The following TRIM67 variants were observed in gnomAD, a reference collection of about 807,000 sequenced individuals.
The protein encoded by TRIM67 is tripartite motif containing 67, also known as tripartite motif-containing protein 67.
In TRIM67, 39 loss-of-function variants were observed where a neutral mutation model predicts 71.0. That is an observed-to-expected ratio of 0.55 (90% confidence interval 0.43 to 0.72). The LOEUF (loss-of-function observed/expected upper bound fraction) is 0.72, where lower values mean the gene tolerates loss of function less well. Among genes scored for constraint, TRIM67 ranks in the 30% least tolerant of loss-of-function variants. TRIM67 has a pLI of 0.00. For missense variants in TRIM67, 973 were observed against 1,079.2 expected (o/e 0.90, Z 1.38); for synonymous variants, 481 against 473.9 (o/e 1.01, Z -0.19).
In TRIM67 at chr1:231,200,204, G is replaced by A. The variant is rs1683481807; in HGVS notation, c.1320G>A (p.Leu440=). The A allele has an allele frequency of 6.2e-7, 1 of 1,613,984 alleles. No individual in the cohort carries two copies. Among genetic ancestry groups the A allele is most frequent in the Non-Finnish European group, 8.5e-7 (1 of 1,179,868 alleles). Reference sequence around the variant, plus strand: ...TGAAGCTGCGTCAGTCCACCGGACTGATGGAGTACTGCCTGGAGGTGATCA... The same window carrying A: ...TGAAGCTGCGTCAGTCCACCGGACTAATGGAGTACTGCCTGGAGGTGATCA... ...CTLKLRQSTG[L]MEYCLEVIKE... is the part of the protein sequence containing the mutation. The change falls in exon 4 of 10, where the codon CTG becomes CTA. Residue 440 remains leucine, a synonymous_variant. Transcript: ENST00000366653.
At chr1:231,205,831 G>T (rs1347813482) in intron 6 of TRIM67, among the ~76,000 whole-genome samples, 1 of 152,210 alleles carries the variant, frequency 6.6e-6, no homozygotes, top group African/African-American at 2.4e-5. Context: ...GAGGGCTAAG[G>T]AGTGGAAGAT....
Position 231,163,236 on chromosome 1 carries a change from C to T in TRIM67, c.267C>T (p.Gly89=). The change falls in exon 1 of 10, where the codon GGC becomes GGT. Residue 89 remains glycine, a synonymous_variant. Transcript: ENST00000366653. The stretch of plus-strand genomic sequence containing the variant: ...GCGGGAGTGCAGCTGGCGGCCTCGG[C>T]GGCGGTGCGGGAGGTGGCGGAGACC... ...GAGGSAAGGL[G]GGAGGGGDHA... 6.7e-7 allele frequency: 1 copy of T among 1,499,460 alleles called. No homozygotes were observed. The highest frequency in any genetic ancestry group is 1.3e-5 in the South Asian group (1 of 77,496). 92.9% of individuals were successfully genotyped at this position (1,499,460 alleles called of 1,614,324 possible). A position where few individuals can be genotyped will look rare whatever the true frequency, so the allele number is the denominator to read the frequency against.
chr1:231,183,676 A>C (rs1370348634), intron 1 of TRIM67, among the ~76,000 whole-genome samples: 1 of 152,190 alleles, frequency 6.6e-6, no homozygotes, highest in Non-Finnish European at 1.5e-5. Context: ...AATCAATACG[A>C]ACTTTGAGAG....
intron 8 of TRIM67, 116 bp from the exon 9 acceptor site, chr1:231,213,699 C>G (rs1267514250): frequency 7.6e-7 from 1 of 1,321,114 alleles, no homozygotes; most frequent in African/African-American, 1.5e-5. Context: ...TCACTGCACT[C>G]CAGCCTGGGT....
rs78513295 is a variant in TRIM67 at position 231,171,591 on chromosome 1, G to T, written c.1044+7578G>T. Reference sequence around the variant, plus strand: ...TAGCAGAGAATCCAGACAGACATTGGGAGGGGGCTTTAGCAAATTCCTTCC... The same window carrying T: ...TAGCAGAGAATCCAGACAGACATTGTGAGGGGGCTTTAGCAAATTCCTTCC... On this transcript the variant is annotated intron_variant, in intron 1 of 9. Transcript: ENST00000366653. 8.1e-3 allele frequency among the ~76,000 whole-genome samples: 1,238 copies of T among 152,158 alleles called. 5 individuals are homozygous for T. Among genetic ancestry groups the T allele is most frequent in the Non-Finnish European group, 0.014 (976 of 67,998 alleles).
intron 1 of TRIM67, among the ~76,000 whole-genome samples, chr1:231,183,483 C>T (rs779298930): frequency 1.1e-4 from 17 of 152,166 alleles, no homozygotes; most frequent in Admixed American, 2.6e-4. Context: ...CATGGTGGCA[C>T]GTGCCCAACA....
In TRIM67 at chr1:231,162,539, T is replaced by G. The variant is rs2102705470; in HGVS notation, c.-431T>G. The G allele has an allele frequency of 1.1e-5, 2 of 185,904 alleles. No homozygotes were observed. Among genetic ancestry groups the G allele is most frequent in the Non-Finnish European group, 2.2e-5 (2 of 90,720 alleles). The allele number at this position is 185,904 out of a possible 1,614,324, so 11.5% of individuals were successfully genotyped here. On this transcript the variant is annotated 5_prime_UTR_variant, in exon 1 of 10. Transcript: ENST00000366653. The stretch of plus-strand genomic sequence containing the variant: ...CCGGGGCAGAAGGGGGGCCTCGGGG[T>G]AGCCGCCCACCGGAGCCAGGGGCTG...
chr1:231,164,395 T>C (rs1682393642), intron 1 of TRIM67, among the ~76,000 whole-genome samples: 1 of 152,228 alleles, frequency 6.6e-6, no homozygotes, highest in Admixed American at 6.5e-5. Flanking sequence ...TTTTCCCCTC[T>C]GCCACCCTCA....
chr1:231,186,162 T>G (rs1200507294), intron 1 of TRIM67: 1 of 1,533,146 alleles, frequency 6.5e-7, no homozygotes, highest in African/African-American at 1.4e-5. Flanking sequence ...GCTGAGGCGC[T>G]CCCTCTTTGT....
intron 1 of TRIM67, among the ~76,000 whole-genome samples, chr1:231,183,613 C>T (rs1343617181): frequency 1.3e-5 from 2 of 151,970 alleles, no homozygotes; most frequent in South Asian, 2.1e-4. Context: ...GACCCCCATC[C>T]CTCCCTCCCA....
At chr1:231,186,766 G>A (rs970164019) in intron 1 of TRIM67, among the ~76,000 whole-genome samples, 1 of 152,104 alleles carries the variant, frequency 6.6e-6, no homozygotes, top group Non-Finnish European at 1.5e-5. Flanking sequence ...TCAGTCCGTC[G>A]CCCTTCCCCT....
rs1180337218 is a variant in TRIM67 at position 231,218,546 on chromosome 1, C to T, written c.*3106C>T. The T allele has an allele frequency of 1.3e-5, 13 of 985,312 alleles. No individual in the cohort carries two copies. Among genetic ancestry groups the T allele is most frequent in the Non-Finnish European group, 1.6e-5 (13 of 829,950 alleles). 61.0% of individuals were successfully genotyped at this position (985,312 alleles called of 1,614,324 possible). ...TCACTGCATACATAGCATCCCAGCTCCTAATTCAAAGCAGGGGAAGGTATT... is the reference window on the plus strand; with the variant it reads ...TCACTGCATACATAGCATCCCAGCTTCTAATTCAAAGCAGGGGAAGGTATT... On this transcript the variant is annotated 3_prime_UTR_variant, in exon 10 of 10. Transcript: ENST00000366653.
In TRIM67 at chr1:231,217,021, A is replaced by G. The variant is rs2281480; in HGVS notation, c.*1581A>G. ...TTTTTATAAAATTCGCCCATTCACC[A>G]GCACCAACTGTGCGTCCTTGGTTCT... On this transcript the variant is annotated 3_prime_UTR_variant, in exon 10 of 10. Transcript: ENST00000366653. 335,259 of 985,672 alleles carry G rather than the reference A, an allele frequency of 0.34. 57,953 individuals carry two copies. The highest frequency in any genetic ancestry group is 0.55 in the East Asian group (4,881 of 8,798). The allele number at this position is 985,672 out of a possible 1,614,324, so 61.1% of individuals were successfully genotyped here.
At chr1:231,194,513 G>A (rs947405349) in intron 1 of TRIM67, among the ~76,000 whole-genome samples, 1 of 152,130 alleles carries the variant, frequency 6.6e-6, no homozygotes, top group South Asian at 2.1e-4. Context: ...GTCACAGGTT[G>A]GAAGGCTTAT....
chr1:231,184,974 A>T (rs41304012), intron 1 of TRIM67: 69,061 of 1,509,146 alleles, frequency 0.046, 3,265 homozygotes, highest in East Asian at 0.23. Flanking sequence ...ATAAACACCC[A>T]GCAGTGCTCC....
chr1:231,165,533 A>G (rs1343140135), intron 1 of TRIM67, among the ~76,000 whole-genome samples: 1 of 152,236 alleles, frequency 6.6e-6, no homozygotes, highest in Admixed American at 6.5e-5. Flanking sequence ...AGTAGCAAAG[A>G]GTGCTTATTT....
intron 1 of TRIM67, among the ~76,000 whole-genome samples, chr1:231,166,017 T>C (rs1682452854): frequency 6.6e-6 from 1 of 152,192 alleles, no homozygotes; most frequent in African/African-American, 2.4e-5. Flanking sequence ...AGAACTAAGG[T>C]TATACAGGAA....
At chr1:231,210,424 G>A (rs1683835000) in intron 8 of TRIM67, among the ~76,000 whole-genome samples, 1 of 151,666 alleles carries the variant, frequency 6.6e-6, no homozygotes, top group Admixed American at 6.6e-5. Flanking sequence ...GACCCCATCT[G>A]CTTGCCTCTT....
intron 1 of TRIM67, among the ~76,000 whole-genome samples, chr1:231,188,479 G>C (rs1683145171): frequency 6.6e-6 from 1 of 152,202 alleles, no homozygotes; most frequent in South Asian, 2.1e-4. Flanking sequence ...CTGGAAGATG[G>C]TGGGTGGTCT....
Sources: gnomAD v4.1 joint callset for allele counts (sites outside exome capture counted in the v4.1 genomes callset) on GRCh38, gnomAD v4.1.1 for gene constraint, MANE v1.5 for transcripts, NCBI Gene and HGNC (gene_info 2026-07-23, HGNC 2026-07-21) for gene names.